AGBL4: variants seen among roughly 807,000 people sequenced by gnomAD.
AGBL4 encodes the protein AGBL carboxypeptidase 4.
In AGBL4, 58 loss-of-function variants were observed where a neutral mutation model predicts 66.4. The ratio of observed to expected loss-of-function variants is 0.87; its 90% confidence interval spans 0.71 to 1.09. AGBL4 has a LOEUF of 1.09. Among genes scored for constraint, AGBL4 ranks in the 50% least tolerant of loss-of-function variants. The pLI is 0.00. For synonymous variants in AGBL4, 234 were observed against 222.9 expected (o/e 1.05, Z -0.44); for missense variants, 579 against 631.0 (o/e 0.92, Z 0.88).
chr1:49,029,198 A>G (rs1041033579), intron 5 of AGBL4, among the ~76,000 whole-genome samples: 10 of 152,148 alleles, frequency 6.6e-5, no homozygotes, highest in African/African-American at 2.4e-4. Flanking sequence ...ACATTCAACT[A>G]AACTATCCAT....
At chr1:48,580,986 C>T (rs1354838515) in intron 11 of AGBL4, among the ~76,000 whole-genome samples, 10 of 152,090 alleles carry the variant, frequency 6.6e-5, no homozygotes, top group East Asian at 5.8e-4. Context: ...GCCTTTCTTC[C>T]GACCCCCTCC....
chr1:49,888,351 T>C (rs1346578826), intron 1 of AGBL4, among the ~76,000 whole-genome samples: 5 of 152,162 alleles, frequency 3.3e-5, no homozygotes, highest in South Asian at 2.1e-4. Context: ...CAGACCATAG[T>C]TGAAGAACTT....
At chr1:49,907,507 T>C (rs904970805) in intron 1 of AGBL4, among the ~76,000 whole-genome samples, 1 of 152,122 alleles carries the variant, frequency 6.6e-6, no homozygotes, top group African/African-American at 2.4e-5. Flanking sequence ...TGCCCTTAGG[T>C]AGGAATTATT....
chr1:49,440,069 C>CTTTTTTT (rs34024621), intron 3 of AGBL4, among the ~76,000 whole-genome samples: 1 of 123,542 alleles, frequency 8.1e-6, no homozygotes, highest in Non-Finnish European at 1.6e-5. Flanking sequence ...AAGGACTCTA[C>CTTTTTTT]TTTTTTTTTT....
intron 4 of AGBL4, among the ~76,000 whole-genome samples, chr1:49,212,856 T>C (rs749583989): frequency 5.3e-5 from 8 of 152,182 alleles, no homozygotes; most frequent in Non-Finnish European, 1.2e-4. Context: ...CTAGGTTAAT[T>C]GTAAGGTTAG....
At chr1:48,742,634 C>G in intron 6 of AGBL4, 1 of 1,588,990 alleles carries the variant, frequency 6.3e-7, no homozygotes, top group Non-Finnish European at 8.6e-7. Context: ...TTGCCATTGT[C>G]TAGGATATAC....
At chr1:48,881,667 T>TC (rs72477125) in intron 5 of AGBL4, among the ~76,000 whole-genome samples, 74,967 of 151,894 alleles carry the variant, frequency 0.49, 21,272 homozygotes, top group Non-Finnish European at 0.65. Context: ...TTCTCTGATC[T>TC]CCCCCCTCCA....
chr1:48,830,051 A>G (rs1934400), intron 6 of AGBL4, among the ~76,000 whole-genome samples: 1,780 of 152,218 alleles, frequency 0.012, 35 homozygotes, highest in African/African-American at 0.04. Context: ...GGTAGCAGCC[A>G]CAGGAAAAGA....
intron 1 of AGBL4, among the ~76,000 whole-genome samples, chr1:49,908,006 GAA>G (rs1171426710): frequency 2.0e-5 from 3 of 152,060 alleles, no homozygotes; most frequent in Non-Finnish European, 1.5e-5. Flanking sequence ...CTGAGAATTA[GAA>G]AAATTAAGTA....
intron 3 of AGBL4, among the ~76,000 whole-genome samples, chr1:49,342,327 G>T (rs770151968): frequency 6.6e-6 from 1 of 152,134 alleles, no homozygotes; most frequent in Non-Finnish European, 1.5e-5. Context: ...GTCACAGAGA[G>T]GTGGACACCA....
chr1:49,192,102 C>A (rs763277287), intron 4 of AGBL4, among the ~76,000 whole-genome samples: 11 of 152,252 alleles, frequency 7.2e-5, no homozygotes, highest in Non-Finnish European at 1.2e-4. Context: ...CTTTTCTCTG[C>A]AACCTCACCA....
At chr1:49,871,791 G>A (rs1646844593) in intron 1 of AGBL4, among the ~76,000 whole-genome samples, 2 of 152,054 alleles carry the variant, frequency 1.3e-5, no homozygotes, top group African/African-American at 2.4e-5. Flanking sequence ...ATGTAAAATT[G>A]TTGTATTCCA....
At chr1:48,672,784 T>C (rs994013968) in intron 6 of AGBL4, among the ~76,000 whole-genome samples, 13 of 152,188 alleles carry the variant, frequency 8.5e-5, no homozygotes, top group African/African-American at 2.9e-4. Flanking sequence ...TTTAAGCCAC[T>C]AAATTGGGGA....
intron 2 of AGBL4, among the ~76,000 whole-genome samples, chr1:49,707,204 T>G (rs1647270867): frequency 6.6e-6 from 1 of 152,108 alleles, no homozygotes; most frequent in Admixed American, 6.6e-5. Context: ...TCTAAGAACT[T>G]GCTTTAAGAA....
At chr1:49,844,567 A>G (rs1472955905) in intron 2 of AGBL4, 10 of 903,038 alleles carry the variant, frequency 1.1e-5, no homozygotes, top group Non-Finnish European at 1.6e-5. Flanking sequence ...TTAAATAGTC[A>G]AAGCCACTTG....
chr1:49,514,427 G>A (rs1234201923), intron 3 of AGBL4, among the ~76,000 whole-genome samples: 3 of 151,972 alleles, frequency 2.0e-5, no homozygotes, highest in Non-Finnish European at 4.4e-5. Context: ...CTCATGGGTA[G>A]GAAGAATCAA....
chr1:48,781,739 T>C (rs1645297267), intron 6 of AGBL4, among the ~76,000 whole-genome samples: 1 of 152,214 alleles, frequency 6.6e-6, no homozygotes, highest in South Asian at 2.1e-4. Flanking sequence ...GTAGAATCTT[T>C]AACCTTATAG....
chr1:49,015,898 C>G (rs943965977), intron 5 of AGBL4, among the ~76,000 whole-genome samples: 3 of 152,040 alleles, frequency 2.0e-5, no homozygotes, highest in Non-Finnish European at 4.4e-5. Context: ...AAAACAAAAA[C>G]ATAGGCTTTT....
At chr1:48,605,695 C>G (rs896360708) in intron 9 of AGBL4, among the ~76,000 whole-genome samples, 2 of 152,140 alleles carry the variant, frequency 1.3e-5, no homozygotes, top group African/African-American at 2.4e-5. Context: ...ATAGTAGGTG[C>G]TAAGGAAATC....
Sources: gnomAD v4.1 joint callset for allele counts (sites outside exome capture counted in the v4.1 genomes callset) on GRCh38, gnomAD v4.1.1 for gene constraint, MANE v1.5 for transcripts, NCBI Gene and HGNC (gene_info 2026-07-23, HGNC 2026-07-21) for gene names.